The following GNA14 variants were observed in gnomAD, a reference collection of about 807,000 sequenced individuals.
The protein encoded by GNA14 is G protein subunit alpha 14.
GNA14 carries 50 observed loss-of-function variants against 42.0 expected under a neutral mutation model. The ratio of observed to expected loss-of-function variants is 1.19; its 90% CI spans 0.95 to 1.51. The LOEUF is 1.51. Ranked by LOEUF, GNA14 falls within the 40% of genes most tolerant of loss-of-function variation. The pLI, the probability that GNA14 is intolerant of heterozygous loss-of-function variation, is 0.00. For synonymous variants in GNA14, 173 were observed against 163.1 expected (o/e 1.06, Z -0.46); for missense variants, 473 against 446.2 (o/e 1.06, Z -0.54).
chr9:77,617,181 T>C lies in GNA14; in HGVS notation c.124+30489A>G, dbSNP rs1823836920. Among the ~76,000 whole-genome samples, 2 of 152,122 alleles carry C rather than the reference T, an allele frequency of 1.3e-5. 1 individual carries two copies. ...CACTGCGCTCGGCCTCTAGCCACAA[T>C]GTGGTTATAATTGTGAATGGGATAT... is the stretch of plus-strand genomic sequence containing the variant. On this transcript the variant is annotated intron_variant, in intron 1 of 6. Coordinates refer to ENST00000341700, the MANE Select transcript of GNA14 (RefSeq NM_004297.4).
intron 1 of GNA14, among the ~76,000 whole-genome samples, chr9:77,640,055 C>G (rs1418882777): frequency 6.6e-6 from 1 of 152,184 alleles, no homozygotes; most frequent in Non-Finnish European, 1.5e-5. Flanking sequence ...ATACATGTCC[C>G]CTGGCCAGAA....
chr9:77,426,654 T>C (rs1054556562), intron 5 of GNA14, among the ~76,000 whole-genome samples: 1 of 152,200 alleles, frequency 6.6e-6, no homozygotes, highest in Non-Finnish European at 1.5e-5. Context: ...TAGTGGGACC[T>C]GGGGAAGGTT....
At chr9:77,542,716 T>G (rs1012767852) in intron 1 of GNA14, among the ~76,000 whole-genome samples, 2 of 152,206 alleles carry the variant, frequency 1.3e-5, no homozygotes, top group African/African-American at 4.8e-5. Context: ...AGGTGGCTTG[T>G]GCAGGTGGGT....
chr9:77,630,596 G>A (rs1420210231), intron 1 of GNA14, among the ~76,000 whole-genome samples: 1 of 152,080 alleles, frequency 6.6e-6, no homozygotes, highest in South Asian at 2.1e-4. Flanking sequence ...AATAAGTGAA[G>A]CAAACAGTAA....
At chr9:77,488,653 G>GA (rs1836700651) in intron 2 of GNA14, among the ~76,000 whole-genome samples, 1 of 151,976 alleles carries the variant, frequency 6.6e-6, no homozygotes, top group Non-Finnish European at 1.5e-5. Context: ...CAGCACTCTG[G>GA]TTTTTACTAG....
At chr9:77,504,321 AT>A (rs1837024754) in intron 2 of GNA14, among the ~76,000 whole-genome samples, 1 of 152,076 alleles carries the variant, frequency 6.6e-6, no homozygotes, top group African/African-American at 2.4e-5. Context: ...CCAGATCTTC[AT>A]TTCACAAGAC....
chr9:77,459,604 T>C (rs182603788), intron 2 of GNA14, among the ~76,000 whole-genome samples: 2 of 152,220 alleles, frequency 1.3e-5, no homozygotes, highest in African/African-American at 4.8e-5. Flanking sequence ...GCAAGCTCTT[T>C]CCTGAGCTCT....
intron 2 of GNA14, among the ~76,000 whole-genome samples, chr9:77,524,580 C>T (rs575586848): frequency 6.6e-5 from 10 of 152,278 alleles, no homozygotes; most frequent in South Asian, 4.1e-4. Flanking sequence ...TCAAGTCATA[C>T]GATACTTTGT....
intron 1 of GNA14, among the ~76,000 whole-genome samples, chr9:77,627,693 C>T (rs1047254248): frequency 6.6e-6 from 1 of 152,080 alleles, no homozygotes; most frequent in African/African-American, 2.4e-5. Context: ...AACTCAACAC[C>T]CATTCATGCT....
chr9:77,582,258 G>A lies in GNA14; in HGVS notation c.125-53005C>T, dbSNP rs146211302. On this transcript the variant is annotated intron_variant, in intron 1 of 6. Coordinates refer to ENST00000341700, the MANE Select transcript of GNA14 (RefSeq NM_004297.4). Reference sequence around the variant, plus strand: ...CTGCAGAATATTTTAGGTTTGTGCTGCTACTCAGTTATAAGTTCACAACTT... The same window carrying A: ...CTGCAGAATATTTTAGGTTTGTGCTACTACTCAGTTATAAGTTCACAACTT... Among the ~76,000 whole-genome samples, 77 of 152,294 alleles carry A rather than the reference G, an allele frequency of 5.1e-4. 1 individual carries two copies. The East Asian group carries it at 0.015, about 29-fold the overall frequency.
chr9:77,573,724 G>A (rs1277893559), intron 1 of GNA14, among the ~76,000 whole-genome samples: 1 of 152,008 alleles, frequency 6.6e-6, no homozygotes, highest in African/African-American at 2.4e-5. Context: ...CAAAGACAGT[G>A]GCCAAACGCA....
At chr9:77,615,166 T>A (rs1823790603) in intron 1 of GNA14, among the ~76,000 whole-genome samples, 1 of 152,152 alleles carries the variant, frequency 6.6e-6, no homozygotes, top group African/African-American at 2.4e-5. Context: ...TCATGGAGCT[T>A]TTACACAGGA....
intron 2 of GNA14, among the ~76,000 whole-genome samples, chr9:77,522,864 T>C (rs1159168785): frequency 1.3e-5 from 2 of 152,220 alleles, no homozygotes; most frequent in East Asian, 1.9e-4. Flanking sequence ...TCCAAGGGAC[T>C]GAGTGATAAA....
rs996000194 is a variant in GNA14 at position 77,460,284 on chromosome 9, G to C, written c.310-25762C>G. 3.3e-5 allele frequency among the ~76,000 whole-genome samples: 5 copies of C among 152,196 alleles called. No homozygotes were observed. In the East Asian group the frequency reaches 7.7e-4, roughly 23 times the overall value. On this transcript the variant is annotated intron_variant, in intron 2 of 6. Coordinates refer to ENST00000341700, the MANE Select transcript of GNA14 (RefSeq NM_004297.4). ...AGGGAGACACAGGGCAGAGGCCGAC[G>C]TGAGGATGGAAGCTGAGATTGCAGT... is the stretch of plus-strand genomic sequence containing the variant.
chr9:77,584,919 T>C (rs1823280430), intron 1 of GNA14, among the ~76,000 whole-genome samples: 1 of 152,134 alleles, frequency 6.6e-6, no homozygotes. Flanking sequence ...AGTGTAGCCA[T>C]GAGGACAATC....
intron 1 of GNA14, among the ~76,000 whole-genome samples, chr9:77,629,606 A>G (rs1824063304): frequency 6.6e-6 from 1 of 152,192 alleles, no homozygotes; most frequent in East Asian, 1.9e-4. Flanking sequence ...GGAAACCATC[A>G]TTCTCAGCAA....
At chr9:77,635,214 A>G (rs1321389126) in intron 1 of GNA14, 1 of 152,176 alleles carries the variant, frequency 6.6e-6, no homozygotes, top group African/African-American at 2.4e-5. Flanking sequence ...AAAATATGGA[A>G]TGCTTCATGA....
intron 1 of GNA14, among the ~76,000 whole-genome samples, chr9:77,604,134 C>A (rs2117925337): frequency 6.6e-6 from 1 of 152,122 alleles, no homozygotes; most frequent in Middle Eastern, 3.4e-3. Context: ...GGCTGAGATG[C>A]CATTGCTTGA....
At position 77,648,064 on chromosome 9, in the gene GNA14, G is replaced by A; in HGVS notation, c.-271C>T. On this transcript the variant is annotated 5_prime_UTR_variant, in exon 1 of 7. Transcript: ENST00000341700. ...CCCGCCCCACTCTCGCTCTGGGGAG[G>A]AGGAGGGCGAGTCGAGAAGTTGGGA... 4.1e-6 allele frequency: 2 copies of A among 491,726 alleles called. No homozygotes were observed. Among genetic ancestry groups the A allele is most frequent in the Non-Finnish European group, 3.6e-6 (1 of 279,662 alleles). 30.5% of individuals were successfully genotyped at this position (491,726 alleles called of 1,614,324 possible).
Sources: allele counts gnomAD v4.1 joint callset (sites outside exome capture counted in the v4.1 genomes callset), GRCh38; gene constraint gnomAD v4.1.1; transcripts MANE v1.5; gene names NCBI Gene and HGNC (gene_info 2026-07-23, HGNC 2026-07-21).